PRKN: variants seen among roughly 807,000 people sequenced by gnomAD.
The protein encoded by PRKN is parkin RBR E3 ubiquitin protein ligase.
In PRKN, 56 loss-of-function variants were observed where a neutral mutation model predicts 59.5. The ratio of observed to expected loss-of-function variants is 0.94; its 90% confidence interval spans 0.76 to 1.18. PRKN has a LOEUF of 1.18. Ranked by LOEUF, PRKN falls within the 50% of genes most tolerant of loss-of-function variation. The probability of loss-of-function intolerance (pLI) is 0.00; values close to 1 mark genes in which losing one functional copy is unlikely to be tolerated. For synonymous variants in PRKN, 250 were observed against 222.1 expected (o/e 1.13, Z -1.12); for missense variants, 657 against 596.4 (o/e 1.10, Z -1.06).
chr6:162,331,243 C>A (rs571979867), intron 2 of PRKN, among the ~76,000 whole-genome samples: 1 of 151,830 alleles, frequency 6.6e-6, no homozygotes, highest in African/African-American at 2.4e-5. Flanking sequence ...ATAATTCAAT[C>A]GCTCCCAACC....
Position 161,609,977 on chromosome 6 carries a change from T to C in PRKN, c.872-40561A>G, listed in dbSNP as rs9458317. 9.9e-3 allele frequency among the ~76,000 whole-genome samples: 1,508 copies of C among 152,342 alleles called. 36 individuals carry two copies. Among genetic ancestry groups the C allele is most frequent in the African/African-American group, 0.033 (1,359 of 41,570 alleles). On this transcript the variant is annotated intron_variant, in intron 7 of 11. Transcript: ENST00000366898. Reference sequence around the variant, plus strand: ...TTTACAAAGAAAAGTCATTGATATATTTTTAAGGTCATCATTTGATTCACA... The same window carrying C: ...TTTACAAAGAAAAGTCATTGATATACTTTTAAGGTCATCATTTGATTCACA...
intron 2 of PRKN, among the ~76,000 whole-genome samples, chr6:162,346,644 G>GA (rs1426489364): frequency 6.7e-6 from 1 of 150,048 alleles, no homozygotes; most frequent in Non-Finnish European, 1.5e-5. Context: ...CCAAAAACAA[G>GA]AAAAAAAAAG....
At chr6:162,209,438 A>G (rs1311420512) in intron 3 of PRKN, among the ~76,000 whole-genome samples, 1 of 152,164 alleles carries the variant, frequency 6.6e-6, no homozygotes, top group East Asian at 1.9e-4. Context: ...GGCAATCACT[A>G]AAAAGTCAGA....
chr6:162,163,858 G>C (rs1782863756), intron 4 of PRKN, among the ~76,000 whole-genome samples: 1 of 149,030 alleles, frequency 6.7e-6, no homozygotes, highest in South Asian at 2.1e-4. Context: ...CCAGGAATTA[G>C]GCTCCACGTT....
rs1360978394 is a variant in PRKN, at chr6:161,371,742, G to A, written c.1168-11537C>T. ...CAACCTCCACCTCCTGGGTTCAAGC[G>A]ATTCTCATGCCTCAGCCTCCTGAGT... On this transcript the variant is annotated intron_variant, in intron 10 of 11. Transcript: ENST00000366898. The surrounding 1 kb of genome is among the most constrained non-coding windows in gnomAD (Gnocchi z 5.5). Among the ~76,000 whole-genome samples, 2 of 152,252 alleles carry A rather than the reference G, an allele frequency of 1.3e-5. No individual in the cohort carries two copies. Among genetic ancestry groups the A allele is most frequent in the South Asian group, 2.1e-4 (1 of 4,826 alleles).
At chr6:162,238,406 G>A (rs971263568) in intron 3 of PRKN, among the ~76,000 whole-genome samples, 2 of 152,160 alleles carry the variant, frequency 1.3e-5, no homozygotes, top group African/African-American at 2.4e-5. Flanking sequence ...GTCTAACCAT[G>A]TGTTTTTCAG....
chr6:162,380,003 A>T (rs764717447), intron 2 of PRKN, among the ~76,000 whole-genome samples: 2 of 152,164 alleles, frequency 1.3e-5, no homozygotes, highest in Non-Finnish European at 2.9e-5. Context: ...ACTTGTGCAT[A>T]CAGCTGTCAA....
chr6:162,233,543 G>GA (rs1476927953), intron 3 of PRKN, among the ~76,000 whole-genome samples: 7 of 152,074 alleles, frequency 4.6e-5, no homozygotes, highest in African/African-American at 1.4e-4. Flanking sequence ...TATCTGAGGA[G>GA]AAAAAACCTC....
intron 5 of PRKN, among the ~76,000 whole-genome samples, chr6:162,000,434 C>T (rs9355379): frequency 0.79 from 119,447 of 152,010 alleles, 47,708 homozygotes; most frequent in African/African-American, 0.93. Context: ...TATATGCTTA[C>T]TTGCCATGTT....
rs565254292 is a variant in PRKN, at chr6:161,602,972, A to G, written c.872-33556T>C. On this transcript the variant is annotated intron_variant, in intron 7 of 11. Transcript: ENST00000366898. ...AAGACTTCTGTTTTTATAAAGGTCT[A>G]CACAGTTTTCAAAGCCCTTCACCCA... Among the ~76,000 whole-genome samples, 21 of 152,342 alleles carry G rather than the reference A, an allele frequency of 1.4e-4. 1 individual carries two copies. In the South Asian group the frequency reaches 2.3e-3, roughly 17 times the overall value.
At chr6:161,902,618 G>A (rs913185550) in intron 6 of PRKN, among the ~76,000 whole-genome samples, 7 of 139,048 alleles carry the variant, frequency 5.0e-5, no homozygotes, top group African/African-American at 1.9e-4. Context: ...GGAGTGCAGT[G>A]GTACCATCTC....
chr6:161,552,784 G>A lies in PRKN; in HGVS notation c.934-3781C>T, dbSNP rs1331679510. ...TCCTAAAAGACACCATGGTTTTGTT[G>A]TTGTTTTTGTTTTTTGTTTTTTTTT... On this transcript the variant is annotated intron_variant, in intron 8 of 11. Transcript: ENST00000366898. This position sits in a 1 kb window ranked among gnomAD's most constrained non-coding sequence, Gnocchi z 4.9. 8.7e-5 allele frequency among the ~76,000 whole-genome samples: 10 copies of A among 115,230 alleles called. No homozygotes were observed. The highest frequency in any genetic ancestry group is 2.9e-4 in the African/African-American group (10 of 34,362). 75.6% of individuals were successfully genotyped at this position (115,230 alleles called of 152,430 possible).
At chr6:162,590,110 A>G (rs1257269806) in intron 1 of PRKN, among the ~76,000 whole-genome samples, 1 of 152,200 alleles carries the variant, frequency 6.6e-6, no homozygotes, top group East Asian at 1.9e-4. Context: ...TTATCTCCAA[A>G]AGTGCCAGAT....
chr6:162,341,946 C>T (rs1191588068), intron 2 of PRKN, among the ~76,000 whole-genome samples: 1 of 151,056 alleles, frequency 6.6e-6, no homozygotes, highest in Non-Finnish European at 1.5e-5. Context: ...CATTCAAAGT[C>T]AAATGTTCTT....
chr6:162,092,318 C>T (rs915535369), intron 4 of PRKN, among the ~76,000 whole-genome samples: 5 of 151,754 alleles, frequency 3.3e-5, no homozygotes, highest in African/African-American at 1.2e-4. Flanking sequence ...TGCGTCATTG[C>T]GCTCCAGCGT....
chr6:161,560,504 G>C lies in PRKN; in HGVS notation c.933+8851C>G, dbSNP rs1204563492. 6.6e-6 allele frequency among the ~76,000 whole-genome samples: 1 copy of C among 152,102 alleles called. No homozygotes were observed. The highest frequency in any genetic ancestry group is 1.5e-5 in the Non-Finnish European group (1 of 68,018). On this transcript the variant is annotated intron_variant, in intron 8 of 11. Coordinates refer to ENST00000366898, the MANE Select transcript of PRKN (RefSeq NM_004562.3). This position sits in a 1 kb window ranked among gnomAD's most constrained non-coding sequence, Gnocchi z 4.9. The stretch of plus-strand genomic sequence containing the variant: ...CTCATTCTTGAAGACTGTAGCTTCA[G>C]GCTGTTCTCACCTTTTCTCCGATTC...
At chr6:161,380,066 C>T (rs1286974594) in intron 10 of PRKN, among the ~76,000 whole-genome samples, 2 of 152,168 alleles carry the variant, frequency 1.3e-5, no homozygotes, top group African/African-American at 4.8e-5. Flanking sequence ...TAGTCTGTGG[C>T]CACAGCCACC....
chr6:162,637,918 G>A lies in PRKN; in HGVS notation c.7+89744C>T, dbSNP rs372364514. 5.9e-5 allele frequency among the ~76,000 whole-genome samples: 9 copies of A among 152,170 alleles called. No individual in the cohort carries two copies. In the South Asian group the frequency reaches 1.0e-3, roughly 18 times the overall value. ...CAAAAATTTTTCTGCATAAAACTAT[G>A]GCCCTAAAGCATTGAACGCCAATGA... is the stretch of plus-strand genomic sequence containing the variant. On this transcript the variant is annotated intron_variant, in intron 1 of 11. Coordinates refer to ENST00000366898, the MANE Select transcript of PRKN (RefSeq NM_004562.3).
At position 162,598,472 on chromosome 6, in the gene PRKN, T is replaced by C. The variant is rs1781570941; in HGVS notation, c.7+129190A>G. 1.3e-5 allele frequency among the ~76,000 whole-genome samples: 2 copies of C among 152,162 alleles called. 1 individual carries two copies. Among genetic ancestry groups the C allele is most frequent in the Middle Eastern group, 6.8e-3 (2 of 294 alleles). On this transcript the variant is annotated intron_variant, in intron 1 of 11. Transcript: ENST00000366898. ...ACATTTTAGAGGAGCTTTTGGAAGA[T>C]GAAAAAGATAATAATAGCAAGTAAA...
Sources: gnomAD v4.1 joint callset for allele counts (sites outside exome capture counted in the v4.1 genomes callset) on GRCh38, gnomAD v4.1.1 for gene constraint, Gnocchi (gnomAD v3.1) non-coding constraint, MANE v1.5 for transcripts, NCBI Gene and HGNC (gene_info 2026-07-23, HGNC 2026-07-21) for gene names.